The following KANK1 variants were observed in gnomAD, a reference collection of about 807,000 sequenced individuals.
KANK1 encodes KN motif and ankyrin repeat domains 1, also known as KN motif and ankyrin repeat domain-containing protein 1.
In KANK1, 109 loss-of-function variants were observed where a neutral mutation model predicts 106.2. That is an observed-to-expected ratio of 1.03 (90% confidence interval 0.88 to 1.20). The LOEUF (loss-of-function observed/expected upper bound fraction) is 1.20. Among genes scored for constraint, KANK1 ranks in the 50% most tolerant of loss-of-function variants. KANK1 has a pLI of 0.00. For synonymous variants in KANK1, 873 were observed against 652.2 expected (o/e 1.34, Z -5.16); for missense variants, 2,399 against 1,710.7 (o/e 1.40, Z -7.10).
chr9:481,856 A>AAG (rs5895848), intron 3 of KANK1, among the ~76,000 whole-genome samples: 7 of 152,032 alleles, frequency 4.6e-5, no homozygotes, highest in South Asian at 2.1e-4. Flanking sequence ...AAAAAAAAAA[A>AAG]TAAAGGATGA....
chr9:541,244 G>T (rs964614763), intron 1 of KANK1, among the ~76,000 whole-genome samples: 1 of 152,092 alleles, frequency 6.6e-6, no homozygotes, highest in Non-Finnish European at 1.5e-5. Flanking sequence ...TAGACCAATG[G>T]AACAGAATAG....
chr9:504,582 G>A (rs1471737479), upstream of KANK1: 1 of 150,102 alleles, frequency 6.7e-6, no homozygotes, highest in Non-Finnish European at 1.5e-5. Context: ...CGGGTGAGAG[G>A]CTTGCTGGTC....
intron 3 of KANK1, among the ~76,000 whole-genome samples, chr9:497,508 G>C (rs1357079490): frequency 2.0e-5 from 3 of 151,582 alleles, no homozygotes; most frequent in East Asian, 3.9e-4. Context: ...TTCTCTCACA[G>C]CTCTGTAAAA....
intron 2 of KANK1, chr9:686,786 C>G (rs951827412): frequency 2.9e-5 from 29 of 985,236 alleles, no homozygotes; most frequent in Non-Finnish European, 3.6e-6. Context: ...GCATCACACA[C>G]GTGCTGGAGC....
chr9:606,799 C>T (rs1467276190), intron 1 of KANK1, among the ~76,000 whole-genome samples: 1 of 151,424 alleles, frequency 6.6e-6, no homozygotes, highest in Non-Finnish European at 1.5e-5. Context: ...TGTTTTCATC[C>T]TCTCATCAAA....
intron 1 of KANK1, among the ~76,000 whole-genome samples, chr9:582,203 C>T (rs182649644): frequency 1.3e-5 from 2 of 152,116 alleles, no homozygotes; most frequent in Middle Eastern, 3.2e-3. Flanking sequence ...TTCATGGCTA[C>T]TTGCTGGAGG....
At chr9:528,035 A>T (rs1407141721) in intron 1 of KANK1, among the ~76,000 whole-genome samples, 1 of 151,330 alleles carries the variant, frequency 6.6e-6, no homozygotes, top group Non-Finnish European at 1.5e-5. Context: ...CGGGAGGCTG[A>T]GGCGGGAGAA....
At chr9:719,040 A>G (rs1249556775) in intron 3 of KANK1, among the ~76,000 whole-genome samples, 2 of 144,388 alleles carry the variant, frequency 1.4e-5, no homozygotes, top group Non-Finnish European at 3.0e-5. Context: ...GCTCATCGCA[A>G]CCTTCACCTC....
At chr9:528,016 C>A (rs2059877363) in intron 1 of KANK1, among the ~76,000 whole-genome samples, 1 of 151,662 alleles carries the variant, frequency 6.6e-6, no homozygotes, top group African/African-American at 2.4e-5. Flanking sequence ...CTGTATAGTC[C>A]CAGCTACTCG....
rs1055355051 is a variant in KANK1 at position 745,309 on chromosome 9, G to T, written c.*74G>T. 5.1e-6 allele frequency: 8 copies of T among 1,566,010 alleles called. No homozygotes were observed. In the East Asian group the frequency reaches 1.1e-4, roughly 22 times the overall value. ...TGTTCCTGTTGGGGTGACAGATACT[G>T]AATGTATACGTATTGTGCCTGAGCT... On this transcript the variant is annotated 3_prime_UTR_variant, in exon 12 of 12. Transcript: ENST00000382297.
chr9:617,885 G>A (rs1298083149), intron 1 of KANK1, among the ~76,000 whole-genome samples: 2 of 152,184 alleles, frequency 1.3e-5, no homozygotes, highest in Admixed American at 1.3e-4. Context: ...TTATAGAATG[G>A]AATTTCTTAC....
At chr9:557,674 C>T (rs761124420) in intron 1 of KANK1, among the ~76,000 whole-genome samples, 6 of 152,146 alleles carry the variant, frequency 3.9e-5, no homozygotes, top group Non-Finnish European at 7.3e-5. Flanking sequence ...TGAGGAAGAA[C>T]AGGAGAAGGC....
chr9:683,687 C>T (rs1818004887), intron 2 of KANK1, among the ~76,000 whole-genome samples: 1 of 152,148 alleles, frequency 6.6e-6, no homozygotes, highest in African/African-American at 2.4e-5. Context: ...AAAACGTCCT[C>T]CCTGATAGGG....
At position 527,797 on chromosome 9, in the gene KANK1, T is replaced by A. The variant is rs544985362; in HGVS notation, c.-84+23043T>A. ...TCAGAACTTTAAAGAGATTGTTCCC[T>A]TAAGTTCCAGCTTTTTATTAAAAAA... On this transcript the variant is annotated intron_variant, in intron 1 of 11. Transcript: ENST00000382297. Among the ~76,000 whole-genome samples, 86 of 150,602 alleles carry A rather than the reference T, an allele frequency of 5.7e-4. 2 individuals are homozygous for A. The highest frequency in any genetic ancestry group is 2.1e-3 in the African/African-American group (85 of 40,436).
chr9:639,052 C>T lies in KANK1; in HGVS notation c.-83-37838C>T, dbSNP rs139088831. ...ACAGAAATCACACCTCAGTGTAAGT[C>T]TTACCTTCCTACAGGAGTCCCATAA... is the stretch of plus-strand genomic sequence containing the variant. On this transcript the variant is annotated intron_variant, in intron 1 of 11. Coordinates refer to ENST00000382297, the MANE Select transcript of KANK1 (RefSeq NM_015158.5). Among the ~76,000 whole-genome samples, 535 of 152,278 alleles carry T rather than the reference C, an allele frequency of 3.5e-3. 3 individuals are homozygous for T. The highest frequency in any genetic ancestry group is 0.013 in the African/African-American group (520 of 41,538).
chr9:619,224 C>T (rs1376471908), intron 1 of KANK1, among the ~76,000 whole-genome samples: 1 of 152,116 alleles, frequency 6.6e-6, no homozygotes, highest in Non-Finnish European at 1.5e-5. Flanking sequence ...TCAGAGAGGC[C>T]TCTTATTTGT....
At chr9:522,836 C>T (rs932512011) in intron 1 of KANK1, among the ~76,000 whole-genome samples, 2 of 151,676 alleles carry the variant, frequency 1.3e-5, no homozygotes, top group African/African-American at 4.9e-5. Context: ...CACTTCATTA[C>T]TCCTCCCTTG....
At chr9:605,486 G>A (rs889492809) in intron 1 of KANK1, among the ~76,000 whole-genome samples, 8 of 151,654 alleles carry the variant, frequency 5.3e-5, no homozygotes, top group South Asian at 4.1e-4. Context: ...TTAAGAGCAC[G>A]TGGGAGGAAA....
In KANK1 at chr9:532,862, C is replaced by T. The variant is rs116213055; in HGVS notation, c.-84+28108C>T. ...CAACCTTGTTTTTCTTATCTCTTGG[C>T]AAGAAAGCAAAGCTGGCCATTGGGG... is the stretch of plus-strand genomic sequence containing the variant. On this transcript the variant is annotated intron_variant, in intron 1 of 11. Coordinates refer to ENST00000382297, the MANE Select transcript of KANK1 (RefSeq NM_015158.5). Among the ~76,000 whole-genome samples the T allele has an allele frequency of 2.1e-3, 325 of 152,212 alleles. 3 individuals carry two copies. The highest frequency in any genetic ancestry group is 7.1e-3 in the African/African-American group (296 of 41,510).
Sources: allele counts gnomAD v4.1 joint callset (sites outside exome capture counted in the v4.1 genomes callset), GRCh38; gene constraint gnomAD v4.1.1; transcripts MANE v1.5; gene names NCBI Gene and HGNC (gene_info 2026-07-23, HGNC 2026-07-21).